ASIC2: variants seen among roughly 807,000 people sequenced by gnomAD.
The protein encoded by ASIC2 is acid-sensing ion channel 2.
ASIC2 carries 25 observed loss-of-function variants against 57.3 expected under a neutral mutation model. The ratio of observed to expected loss-of-function variants is 0.44; its 90% CI spans 0.32 to 0.61. The LOEUF is 0.61. ASIC2 is among the 20% of genes least tolerant of loss of function. The probability of loss-of-function intolerance (pLI) is 0.06; values close to 1 mark genes in which losing one functional copy is unlikely to be tolerated. For missense variants in ASIC2, 641 were observed against 738.1 expected, an observed-to-expected ratio of 0.87 and a Z score of 1.52; for synonymous variants, 319 against 307.5, an observed-to-expected ratio of 1.04 and a Z score of -0.39.
chr17:33,442,235 T>C (rs571190526), intron 1 of ASIC2, among the ~76,000 whole-genome samples: 20 of 152,252 alleles, frequency 1.3e-4, no homozygotes, highest in Non-Finnish European at 1.9e-4. Context: ...TGTTCCTCTG[T>C]TACAGAATAG....
intron 1 of ASIC2, among the ~76,000 whole-genome samples, chr17:33,485,623 C>T (rs1024973065): frequency 6.6e-6 from 1 of 152,212 alleles, no homozygotes; most frequent in East Asian, 1.9e-4. Context: ...ACCCCTATCA[C>T]CTCCCCTAAA....
At chr17:33,260,693 C>A (rs534776060) in intron 1 of ASIC2, among the ~76,000 whole-genome samples, 1 of 152,160 alleles carries the variant, frequency 6.6e-6, no homozygotes, top group Middle Eastern at 3.2e-3. Context: ...CCAGAGATGC[C>A]GTGATAGTCA....
chr17:33,045,318 A>T (rs1033981501), intron 3 of ASIC2, among the ~76,000 whole-genome samples: 1 of 152,196 alleles, frequency 6.6e-6, no homozygotes, highest in Non-Finnish European at 1.5e-5. Context: ...GTGCCTGTGC[A>T]TGCCGACGCA....
At chr17:33,871,970 T>A (rs181685561) in intron 1 of ASIC2, among the ~76,000 whole-genome samples, 3 of 152,118 alleles carry the variant, frequency 2.0e-5, no homozygotes, top group African/African-American at 7.2e-5. Flanking sequence ...GGGGCTCATG[T>A]TCTTGATGAG....
At chr17:34,141,402 G>A (rs747568685) in intron 1 of ASIC2, among the ~76,000 whole-genome samples, 2 of 152,110 alleles carry the variant, frequency 1.3e-5, no homozygotes, top group Non-Finnish European at 2.9e-5. Flanking sequence ...TTTAAAAAAA[G>A]AATAAAATTT....
chr17:33,793,917 G>A (rs1488139968), intron 1 of ASIC2: 2 of 152,320 alleles, frequency 1.3e-5, no homozygotes, highest in Admixed American at 1.3e-4. Flanking sequence ...TTCAGACGAT[G>A]ATGGTGACGA....
chr17:33,454,154 T>C (rs549025046), intron 1 of ASIC2, among the ~76,000 whole-genome samples: 1 of 152,350 alleles, frequency 6.6e-6, no homozygotes, highest in Admixed American at 6.5e-5. Context: ...TTTCTTTTAC[T>C]TGTCCCCAGC....
At chr17:33,491,722 T>A (rs1913766412) in intron 1 of ASIC2, among the ~76,000 whole-genome samples, 1 of 152,180 alleles carries the variant, frequency 6.6e-6, no homozygotes, top group South Asian at 2.1e-4. Flanking sequence ...AACAAGTTCC[T>A]CTCTCAGAAG....
chr17:34,154,046 A>G (rs1904624315), intron 1 of ASIC2, among the ~76,000 whole-genome samples: 2 of 152,204 alleles, frequency 1.3e-5, no homozygotes. Flanking sequence ...CCAGTTGGAC[A>G]TGCAGTCAGG....
chr17:33,578,759 A>C (rs918050825), intron 1 of ASIC2, among the ~76,000 whole-genome samples: 1 of 151,374 alleles, frequency 6.6e-6, no homozygotes, highest in African/African-American at 2.4e-5. Flanking sequence ...ATACAGCCCC[A>C]CCTGGAAGGT....
chr17:34,082,993 G>C (rs764688514), intron 1 of ASIC2, among the ~76,000 whole-genome samples: 2 of 150,770 alleles, frequency 1.3e-5, no homozygotes, highest in East Asian at 3.9e-4. Context: ...GCATTTATTT[G>C]TTCTTGTTTT....
At chr17:33,061,588 A>G (rs1409516605) in intron 3 of ASIC2, among the ~76,000 whole-genome samples, 1 of 152,216 alleles carries the variant, frequency 6.6e-6, no homozygotes, top group East Asian at 1.9e-4. Context: ...GGATTTTTGC[A>G]TCGATGTTCA....
intron 1 of ASIC2, among the ~76,000 whole-genome samples, chr17:33,365,143 T>C (rs1908757598): frequency 6.6e-6 from 1 of 152,156 alleles, no homozygotes; most frequent in Admixed American, 6.5e-5. Flanking sequence ...TCCAACTTCA[T>C]ACATACAGAA....
At chr17:33,724,295 C>T (rs1056497339) in intron 1 of ASIC2, among the ~76,000 whole-genome samples, 13 of 152,144 alleles carry the variant, frequency 8.5e-5, no homozygotes, top group Non-Finnish European at 1.6e-4. Flanking sequence ...ATGTCTTTAT[C>T]AGCAGCATCA....
At chr17:33,967,222 T>C (rs73990105) in intron 1 of ASIC2, among the ~76,000 whole-genome samples, 2,714 of 151,984 alleles carry the variant, frequency 0.018, 78 homozygotes, top group African/African-American at 0.061. Context: ...ACCCACCTAA[T>C]GTTCTGATTA....
rs145602489 is a variant in ASIC2, at chr17:33,364,333, CTT to C, written c.556-252268_556-252267del. On this transcript the variant is annotated intron_variant, in intron 1 of 9. Transcript: ENST00000359872. ...GCACTGTTAATAGAAATGACATAAC[CTT>C]TTTGAAGACTCAAAAAATGGGTCAA... Among the ~76,000 whole-genome samples the C allele has an allele frequency of 4.7e-3, 717 of 152,196 alleles. 6 individuals are homozygous for C. The highest frequency in any genetic ancestry group is 0.017 in the African/African-American group (696 of 41,500).
chr17:33,262,358 GGAGGGAGGGAGA>G (rs1909316767), intron 1 of ASIC2, among the ~76,000 whole-genome samples: 2 of 151,418 alleles, frequency 1.3e-5, no homozygotes, highest in Admixed American at 6.6e-5. Flanking sequence ...GGAGGAAGAG[GGAGGGAGGGAGA>G]GAGGGAGGGA....
intron 1 of ASIC2, among the ~76,000 whole-genome samples, chr17:33,468,823 A>G (rs1912946692): frequency 6.6e-6 from 1 of 152,154 alleles, no homozygotes; most frequent in Non-Finnish European, 1.5e-5. Context: ...TTTGATTGCA[A>G]ATTCATTGCT....
chr17:33,414,232 A>T (rs1177428406), intron 1 of ASIC2, among the ~76,000 whole-genome samples: 1 of 152,116 alleles, frequency 6.6e-6, no homozygotes, highest in African/African-American at 2.4e-5. Context: ...GCTGCACCCA[A>T]AGAGGAGGGG....
Sources: gnomAD v4.1 joint callset for allele counts (sites outside exome capture counted in the v4.1 genomes callset) on GRCh38, gnomAD v4.1.1 for gene constraint, MANE v1.5 for transcripts, NCBI Gene and HGNC (gene_info 2026-07-23, HGNC 2026-07-21) for gene names.